The following TRIM67 variants were observed in gnomAD, a reference collection of about 807,000 sequenced individuals.
The protein encoded by TRIM67 is tripartite motif containing 67.
A neutral mutation model predicts 71.0 loss-of-function variants in TRIM67; 39 were observed. The ratio of observed to expected loss-of-function variants is 0.55; its 90% CI spans 0.43 to 0.72. The LOEUF (loss-of-function observed/expected upper bound fraction) is 0.72, where lower values mean the gene tolerates loss of function less well. Among genes scored for constraint, TRIM67 ranks in the 30% least tolerant of loss-of-function variants. The pLI, the probability that TRIM67 is intolerant of heterozygous loss-of-function variation, is 0.00. For missense variants in TRIM67, 973 were observed against 1,079.2 expected (o/e 0.90, Z 1.38); for synonymous variants, 481 against 473.9 (o/e 1.01, Z -0.19).
rs1019934415 is a variant in TRIM67, at chr1:231,216,408, G to A, written c.*968G>A. The stretch of plus-strand genomic sequence containing the variant: ...ACTATGTCATAGGTCTTCGCCTGGT[G>A]ATGGCTCCTTTCTGAAACTGGCAGC... On this transcript the variant is annotated 3_prime_UTR_variant, in exon 10 of 10. Transcript: ENST00000366653. 2.0e-6 allele frequency: 2 copies of A among 985,164 alleles called. No individual in the cohort carries two copies. The highest frequency in any genetic ancestry group is 2.4e-6 in the Non-Finnish European group (2 of 829,954). 61.0% of individuals were successfully genotyped at this position (985,164 alleles called of 1,614,324 possible).
intron 1 of TRIM67, among the ~76,000 whole-genome samples, chr1:231,193,871 G>A (rs1014486823): frequency 6.6e-6 from 1 of 152,152 alleles, no homozygotes; most frequent in Non-Finnish European, 1.5e-5. Flanking sequence ...CAGGAGGGGA[G>A]GACGGTACCA....
In TRIM67 at chr1:231,217,093, C is replaced by T. The variant is rs888800087; in HGVS notation, c.*1653C>T. On this transcript the variant is annotated 3_prime_UTR_variant, in exon 10 of 10. Coordinates refer to ENST00000366653, the MANE Select transcript of TRIM67 (RefSeq NM_001004342.5). The stretch of plus-strand genomic sequence containing the variant: ...GCCTGCTTTCTGAGTAACTGCCTGC[C>T]GGAGCCATGCAGGTACCCCCCCTCC... The T allele has an allele frequency of 3.0e-5, 30 of 985,738 alleles. No individual in the cohort carries two copies. The highest frequency in any genetic ancestry group is 1.0e-4 in the African/African-American group (6 of 57,194). The allele number at this position is 985,738 out of a possible 1,614,324, so 61.1% of individuals were successfully genotyped here. A position where few individuals can be genotyped will look rare whatever the true frequency, so the allele number is the denominator to read the frequency against.
Position 231,217,906 on chromosome 1 carries a change from G to C in TRIM67, c.*2466G>C, listed in dbSNP as rs1684056110. ...AAAAAAGTTCCCTGAAGTCCAGAGA[G>C]GTGCAGCCAGGACTCCCTCCTCCCC... On this transcript the variant is annotated 3_prime_UTR_variant, in exon 10 of 10. Coordinates refer to ENST00000366653, the MANE Select transcript of TRIM67 (RefSeq NM_001004342.5). The C allele has an allele frequency of 1.6e-6, 2 of 1,287,354 alleles. No individual in the cohort carries two copies. The highest frequency in any genetic ancestry group is 2.5e-5 in the South Asian group (2 of 80,734). The allele number at this position is 1,287,354 out of a possible 1,614,324, so 79.7% of individuals were successfully genotyped here. A position where few individuals can be genotyped will look rare whatever the true frequency, so the allele number is the denominator to read the frequency against.
chr1:231,198,488 G>C (rs1250240599), intron 2 of TRIM67, among the ~76,000 whole-genome samples: 1 of 152,164 alleles, frequency 6.6e-6, no homozygotes, highest in Admixed American at 6.5e-5. Context: ...CCAGGTTCAA[G>C]CAATTCTCCT....
In TRIM67 at chr1:231,162,893, C is replaced by T. The variant is rs1281185300; in HGVS notation, c.-77C>T. On this transcript the variant is annotated 5_prime_UTR_variant, in exon 1 of 10. Transcript: ENST00000366653. Reference sequence around the variant, plus strand: ...CGTCGTCTCACCGGGGCGCACCGCGCTGGTCCTCCTCCGCCAGTCTCCCGA... The same window carrying T: ...CGTCGTCTCACCGGGGCGCACCGCGTTGGTCCTCCTCCGCCAGTCTCCCGA... The T allele has an allele frequency of 1.3e-6, 2 of 1,540,478 alleles. No individual in the cohort carries two copies. Among genetic ancestry groups the T allele is most frequent in the Non-Finnish European group, 1.7e-6 (2 of 1,148,738 alleles).
chr1:231,199,030 C>T lies in TRIM67; in HGVS notation c.1141-17C>T, dbSNP rs1341931410. 3 of 1,613,826 alleles carry T rather than the reference C, an allele frequency of 1.9e-6. No homozygotes were observed. Among genetic ancestry groups the T allele is most frequent in the Non-Finnish European group, 2.5e-6 (3 of 1,179,762 alleles). The stretch of plus-strand genomic sequence containing the variant: ...AAACTCTTTGCTTCTTCCCAACCAA[C>T]CCCCAACCTCTGCCAGGAAAACGGA... On this transcript the variant is annotated splice_polypyrimidine_tract_variant and intron_variant, in intron 2 of 9. Coordinates refer to ENST00000366653, the MANE Select transcript of TRIM67 (RefSeq NM_001004342.5).
chr1:231,197,316 T>G, intron 1 of TRIM67, 55 bp from the exon 2 acceptor site: 3 of 1,527,656 alleles, frequency 2.0e-6, no homozygotes, highest in Non-Finnish European at 2.7e-6. Context: ...GAAGTGCAAA[T>G]TTTCTGTGCC....
intron 1 of TRIM67, among the ~76,000 whole-genome samples, chr1:231,192,717 A>G (rs1683266459): frequency 6.6e-6 from 1 of 152,206 alleles, no homozygotes. Context: ...ATGGCTGCAG[A>G]CCAGGGCACA....
intron 2 of TRIM67, 125 bp downstream of exon 2, chr1:231,197,591 C>T (rs1683401905): frequency 1.0e-5 from 8 of 762,048 alleles, no homozygotes; most frequent in East Asian, 5.7e-5. Flanking sequence ...TTTGGGAGGC[C>T]GAGGCGGGCA....
chr1:231,212,407 C>T (rs1210560878), intron 8 of TRIM67, among the ~76,000 whole-genome samples: 1 of 151,874 alleles, frequency 6.6e-6, no homozygotes, highest in African/African-American at 2.4e-5. Flanking sequence ...ATCTGTTTAC[C>T]CAGGCCAACT....
chr1:231,199,409 C>G (rs1683459710), intron 3 of TRIM67, among the ~76,000 whole-genome samples: 1 of 152,216 alleles, frequency 6.6e-6, no homozygotes, highest in Non-Finnish European at 1.5e-5. Flanking sequence ...CACCCTCTCC[C>G]TCCCTGTTTC....
At chr1:231,192,867 C>T (rs558089664) in intron 1 of TRIM67, among the ~76,000 whole-genome samples, 4 of 152,218 alleles carry the variant, frequency 2.6e-5, no homozygotes, top group Non-Finnish European at 5.9e-5. Context: ...TCCGCTGAAC[C>T]GTGAGACTGT....
chr1:231,187,756 G>C (rs149148280), intron 1 of TRIM67: 12 of 591,282 alleles, frequency 2.0e-5, no homozygotes, highest in African/African-American at 3.8e-5. Flanking sequence ...GAGGGACAGC[G>C]GGCAAGCTCT....
In TRIM67 at chr1:231,217,445, C is replaced by T. The variant is rs1046625975; in HGVS notation, c.*2005C>T. On this transcript the variant is annotated 3_prime_UTR_variant, in exon 10 of 10. Transcript: ENST00000366653. ...ACCTCTGCCTCTGTCTCCCATATCC[C>T]TGCAGCTTCATCCTTAGCCATAGCT... 78 of 992,372 alleles carry T rather than the reference C, an allele frequency of 7.9e-5. No homozygotes were observed. The highest frequency in any genetic ancestry group is 8.5e-5 in the Non-Finnish European group (71 of 834,440). The allele number at this position is 992,372 out of a possible 1,614,324, so 61.5% of individuals were successfully genotyped here.
chr1:231,200,663 C>T (rs58364761), intron 4 of TRIM67, among the ~76,000 whole-genome samples: 9,040 of 152,220 alleles, frequency 0.059, 448 homozygotes, highest in East Asian at 0.24. Context: ...GCAATTTTCT[C>T]GGGGCCATCT....
Position 231,220,795 on chromosome 1 carries a change from A to T in TRIM67, c.*5355A>T, listed in dbSNP as rs978454086. On this transcript the variant is annotated 3_prime_UTR_variant, in exon 10 of 10. Coordinates refer to ENST00000366653, the MANE Select transcript of TRIM67 (RefSeq NM_001004342.5). The stretch of plus-strand genomic sequence containing the variant: ...CGTCCGGATCCATCGCTCTTCTCTC[A>T]AGGAGCACAGTCCTGGGAAAGGCCT... The T allele has an allele frequency of 1.6e-4, 24 of 152,252 alleles. No homozygotes were observed. Among genetic ancestry groups the T allele is most frequent in the African/African-American group, 5.6e-4 (23 of 41,436 alleles). 9.4% of individuals were successfully genotyped at this position (152,252 alleles called of 1,614,324 possible).
intron 5 of TRIM67, among the ~76,000 whole-genome samples, chr1:231,203,079 G>C (rs534491444): frequency 6.6e-6 from 1 of 152,108 alleles, no homozygotes; most frequent in Admixed American, 6.5e-5. Context: ...AGCCAGTCCC[G>C]TGCCCAAATT....
intron 1 of TRIM67, among the ~76,000 whole-genome samples, chr1:231,167,736 T>C (rs2102711701): frequency 6.6e-6 from 1 of 152,070 alleles, no homozygotes; most frequent in Non-Finnish European, 1.5e-5. Context: ...GTTACAGGTG[T>C]GGGCCACTGC....
Position 231,215,573 on chromosome 1 carries a change from T to C in TRIM67, c.*133T>C. On this transcript the variant is annotated 3_prime_UTR_variant, in exon 10 of 10. Transcript: ENST00000366653. ...GGGTGCAACCTGGCAGCGTGGAGTG[T>C]CATAGAAACACATTTTCTTGGGGAC... is the stretch of plus-strand genomic sequence containing the variant. The C allele has an allele frequency of 5.6e-6, 8 of 1,421,342 alleles. No homozygotes were observed. The highest frequency in any genetic ancestry group is 7.4e-6 in the Non-Finnish European group (8 of 1,083,158). 88.0% of individuals were successfully genotyped at this position (1,421,342 alleles called of 1,614,324 possible).
Sources: allele counts gnomAD v4.1 joint callset (sites outside exome capture counted in the v4.1 genomes callset), GRCh38; gene constraint gnomAD v4.1.1; transcripts MANE v1.5; gene names NCBI Gene and HGNC (gene_info 2026-07-23, HGNC 2026-07-21).